Variants in NFATC3 observed in about 807,000 individuals in gnomAD.
NFATC3 encodes the protein nuclear factor of activated T-cells, cytoplasmic 3.
Under a neutral mutation model 98.6 loss-of-function variants are expected in NFATC3, and 46 were observed. That is an observed-to-expected ratio of 0.47 (90% CI 0.37 to 0.60). NFATC3 has a LOEUF of 0.60. Among genes scored for constraint, NFATC3 ranks in the 20% least tolerant of loss-of-function variants. The pLI is 0.00. For missense variants in NFATC3, 1,256 were observed against 1,295.5 expected (o/e 0.97, Z 0.47); for synonymous variants, 512 against 472.2 (o/e 1.08, Z -1.09).
rs1371734745 is a variant in NFATC3, at chr16:68,229,187, AG to A, written c.*2719del. 6.6e-6 allele frequency: 1 copy of A among 152,248 alleles called. No homozygotes were observed. Among genetic ancestry groups the A allele is most frequent in the Non-Finnish European group, 1.5e-5 (1 of 68,040 alleles). The allele number at this position is 152,248 out of a possible 1,614,324, so 9.4% of individuals were successfully genotyped here. A position where few individuals can be genotyped will look rare whatever the true frequency, so the allele number is the denominator to read the frequency against. ...TGCAGTGCTCCTTACACAAATACAA[AG>A]GGAAGAAGAGCCAGCAGTTGAGGCT... On this transcript the variant is annotated 3_prime_UTR_variant, in exon 10 of 10. Coordinates refer to ENST00000346183, the MANE Select transcript of NFATC3 (RefSeq NM_173165.3).
At chr16:68,096,103 G>A (rs961287672) in intron 1 of NFATC3, among the ~76,000 whole-genome samples, 2 of 152,102 alleles carry the variant, frequency 1.3e-5, no homozygotes, top group African/African-American at 2.4e-5. Context: ...TCAAACCACA[G>A]GTGCTTGCCA....
chr16:68,120,504 C>T (rs1033260241), intron 1 of NFATC3, among the ~76,000 whole-genome samples: 5 of 147,730 alleles, frequency 3.4e-5, no homozygotes, highest in African/African-American at 5.0e-5. Context: ...GCCTGAACTT[C>T]GGAGGCAGAG....
At chr16:68,121,270 G>A (rs1420827699) in intron 1 of NFATC3, among the ~76,000 whole-genome samples, 6 of 132,298 alleles carry the variant, frequency 4.5e-5, no homozygotes, top group African/African-American at 8.5e-5. Context: ...TTTTTGAGAC[G>A]GAGTCTTGCT....
At chr16:68,092,360 G>A (rs1265379593) in intron 1 of NFATC3, among the ~76,000 whole-genome samples, 1 of 151,542 alleles carries the variant, frequency 6.6e-6, no homozygotes, top group Non-Finnish European at 1.5e-5. Flanking sequence ...GGAGGCTGAG[G>A]CAGAATTGCT....
chr16:68,137,618 C>CT lies in NFATC3; in HGVS notation c.1401+11023dup, dbSNP rs751871604. ...TTTCTTAGTATATTTCATTTTCCTT[C>CT]TTTTTTTTTTTTTTTGAAACAGTCT... On this transcript the variant is annotated intron_variant, in intron 3 of 9. Transcript: ENST00000346183. Among the ~76,000 whole-genome samples, 1,246 of 142,374 alleles carry CT rather than the reference C, an allele frequency of 8.8e-3. 9 individuals are homozygous for CT. The highest frequency in any genetic ancestry group is 0.021 in the African/African-American group (801 of 38,904). The allele number at this position is 142,374 out of a possible 152,430, so 93.4% of individuals were successfully genotyped here.
At chr16:68,206,809 C>G (rs1409806167) in intron 9 of NFATC3, among the ~76,000 whole-genome samples, 1 of 151,780 alleles carries the variant, frequency 6.6e-6, no homozygotes, top group Non-Finnish European at 1.5e-5. Flanking sequence ...ATGGCGAGAC[C>G]CCATGTCTAT....
At position 68,191,251 on chromosome 16, in the gene NFATC3, C is replaced by G; in HGVS notation, c.2582C>G (p.Ser861Ter). ...CCATTTCATTCTTCAAATTCAGGCT[C>G]AACAGGACATCTCTTAGCCCATACA... ...SIPFHSSNSG[S>*]TGHLLAHTPH... Residue 861 changes from serine (S) to a stop codon, truncating the protein, a stop_gained, in exon 9 of 10, where the codon TCA becomes TGA. Coordinates refer to ENST00000346183, the MANE Select transcript of NFATC3 (RefSeq NM_173165.3). LOFTEE classifies it high-confidence loss of function. The G allele has an allele frequency of 6.2e-7, 1 of 1,614,192 alleles. No homozygotes were observed. The highest frequency in any genetic ancestry group is 8.5e-7 in the Non-Finnish European group (1 of 1,180,048).
intron 1 of NFATC3, among the ~76,000 whole-genome samples, chr16:68,114,726 C>T (rs2036178373): frequency 6.6e-6 from 1 of 151,872 alleles, no homozygotes; most frequent in Non-Finnish European, 1.5e-5. Context: ...AGGCAAGTGC[C>T]ACCACGCCCA....
At chr16:68,198,614 G>A (rs1297967838) in intron 9 of NFATC3, among the ~76,000 whole-genome samples, 1 of 151,988 alleles carries the variant, frequency 6.6e-6, no homozygotes, top group Non-Finnish European at 1.5e-5. Flanking sequence ...GTAATCTTAA[G>A]ATTATAGATT....
chr16:68,154,526 C>T (rs2038508081), intron 3 of NFATC3, among the ~76,000 whole-genome samples: 1 of 152,062 alleles, frequency 6.6e-6, no homozygotes, highest in Admixed American at 6.5e-5. Context: ...ACCTGAAGCT[C>T]CTGAAAGGGC....
At position 68,122,598 on chromosome 16, in the gene NFATC3, C is replaced by T. The variant is rs1383055024; in HGVS notation, c.715C>T (p.Gln239Ter). The change falls in exon 2 of 10, where the codon CAA becomes TAA. Residue 239 changes from glutamine (Q) to a stop codon, truncating the protein, a stop_gained. Transcript: ENST00000346183. LOFTEE classifies it high-confidence loss of function. The stretch of plus-strand genomic sequence containing the variant: ...ACTTGGACACTCATTATCACCCAGG[C>T]AATCTCCTTGCCACTCTCCTAGATC... ...YGLGHSLSPR[Q>*]SPCHSPRSSV... 6.2e-7 allele frequency: 1 copy of T among 1,614,024 alleles called. No homozygotes were observed.
In NFATC3 at chr16:68,208,786, C is replaced by T. The variant is rs562239826; in HGVS notation, c.3106+17011C>T. On this transcript the variant is annotated intron_variant, in intron 9 of 9. Coordinates refer to ENST00000346183, the MANE Select transcript of NFATC3 (RefSeq NM_173165.3). ...CTTAATTTTTTTTGGACCTTTCATT[C>T]CAAGTATATAGAAGTACAACTGAAT... Among the ~76,000 whole-genome samples the T allele has an allele frequency of 5.3e-5, 8 of 150,400 alleles. No individual in the cohort carries two copies. In the East Asian group the frequency reaches 1.5e-3, roughly 29 times the overall value.
chr16:68,086,725 T>C, intron 1 of NFATC3: 4 of 985,458 alleles, frequency 4.1e-6, no homozygotes, highest in Non-Finnish European at 3.6e-6. Flanking sequence ...TCATGTTTGA[T>C]GTTCAGTAGA....
intron 3 of NFATC3, among the ~76,000 whole-genome samples, chr16:68,126,816 C>T (rs2036856438): frequency 6.6e-6 from 1 of 152,180 alleles, no homozygotes; most frequent in Admixed American, 6.6e-5. Context: ...GACTGACTTT[C>T]CTTCTGGGGA....
intron 5 of NFATC3, among the ~76,000 whole-genome samples, chr16:68,167,810 CTTTTTTTTTTTTTTTTTTTTTTTTTTTT>C (rs35302776): frequency 2.1e-4 from 5 of 23,898 alleles, no homozygotes; most frequent in Non-Finnish European, 5.4e-4. Flanking sequence ...CGTATGTGTT[CTTTTTTTTTTTTTTTTTTTTTTTTTTTT>C]TTTTTTTTTT....
chr16:68,135,527 A>G (rs1191593956), intron 3 of NFATC3, among the ~76,000 whole-genome samples: 1 of 151,640 alleles, frequency 6.6e-6, no homozygotes, highest in East Asian at 1.9e-4. Context: ...AATCTTTAAT[A>G]AATTTAAAAT....
At position 68,228,607 on chromosome 16, in the gene NFATC3, G is replaced by C. The variant is rs2042080969; in HGVS notation, c.*2136G>C. On this transcript the variant is annotated 3_prime_UTR_variant, in exon 10 of 10. Coordinates refer to ENST00000346183, the MANE Select transcript of NFATC3 (RefSeq NM_173165.3). Reference sequence around the variant, plus strand: ...AAATAGAGCTTTGTATACTATGTAAGCAGTTTTATATCAGCTTTGTAAAAG... The same window carrying C: ...AAATAGAGCTTTGTATACTATGTAACCAGTTTTATATCAGCTTTGTAAAAG... The C allele has an allele frequency of 6.6e-6, 1 of 152,570 alleles. No homozygotes were observed. The highest frequency in any genetic ancestry group is 1.5e-5 in the Non-Finnish European group (1 of 68,022). The allele number at this position is 152,570 out of a possible 1,614,324, so 9.5% of individuals were successfully genotyped here.
chr16:68,156,415 A>G (rs2038620503), intron 3 of NFATC3, among the ~76,000 whole-genome samples: 1 of 152,242 alleles, frequency 6.6e-6, no homozygotes, highest in Non-Finnish European at 1.5e-5. Flanking sequence ...ATGAATATAC[A>G]TGCAACAATC....
intron 3 of NFATC3, among the ~76,000 whole-genome samples, chr16:68,126,939 G>T (rs1485718852): frequency 6.6e-6 from 1 of 152,160 alleles, no homozygotes; most frequent in African/African-American, 2.4e-5. Context: ...TACAGGCCGG[G>T]CACGGTGGCT....
Sources: gnomAD v4.1 joint callset for allele counts (sites outside exome capture counted in the v4.1 genomes callset) on GRCh38, gnomAD v4.1.1 for gene constraint, MANE v1.5 for transcripts, NCBI Gene and HGNC (gene_info 2026-07-23, HGNC 2026-07-21) for gene names.